Variants in MEIOSIN observed in about 807,000 individuals in gnomAD.
The protein encoded by MEIOSIN is meiosis initiator protein.
In MEIOSIN, 18 loss-of-function variants were observed where a neutral mutation model predicts 23.4. That is an observed-to-expected ratio of 0.77 (90% confidence interval 0.53 to 1.14). The LOEUF is 1.14. MEIOSIN is among the 50% of genes most tolerant of loss of function. The pLI, the probability that MEIOSIN is intolerant of heterozygous loss-of-function variation, is 0.00. For missense variants in MEIOSIN, 428 were observed against 242.9 expected (o/e 1.76, Z -5.07); for synonymous variants, 187 against 100.6 (o/e 1.86, Z -5.14).
intron 3 of MEIOSIN, among the ~76,000 whole-genome samples, chr19:45,744,179 C>A (rs1968552385): frequency 6.6e-6 from 1 of 150,882 alleles, no homozygotes; most frequent in Non-Finnish European, 1.5e-5. Context: ...GGCATCATGT[C>A]CAGCTAATTT....
intron 11 of MEIOSIN, 91 bp from the exon 12 acceptor site, chr19:45,761,586 AAT>A: frequency 1.6e-6 from 1 of 618,928 alleles, no homozygotes; most frequent in Non-Finnish European, 2.9e-6. Flanking sequence ...AGCTGCTGCT[AAT>A]GCTCATGTTA....
In MEIOSIN at chr19:45,739,669, A is replaced by G. The variant is rs1028268941; in HGVS notation, c.115A>G (p.Asn39Asp). 105 of 703,310 alleles carry G rather than the reference A, an allele frequency of 1.5e-4. No homozygotes were observed. Among genetic ancestry groups the G allele is most frequent in the Non-Finnish European group, 2.6e-4 (99 of 385,106 alleles). The allele number at this position is 703,310 out of a possible 1,614,324, so 43.6% of individuals were successfully genotyped here. The change falls in exon 3 of 15, where the codon AAC becomes GAC. Residue 39 changes from asparagine to aspartate, a missense_variant. Transcript: ENST00000457052. The stretch of plus-strand genomic sequence containing the variant: ...CCTAGTGGAAGGGGAAGATAAGGTC[A>G]ACCCCTCCGAACCACATGGACTGAG... ...CSLVEGEDKVNPSEPHGLRME... is the reference protein window; with the variant it reads ...CSLVEGEDKVDPSEPHGLRME...
At chr19:45,745,375 A>G in intron 4 of MEIOSIN, 54 bp downstream of exon 4, 2 of 680,724 alleles carry the variant, frequency 2.9e-6, no homozygotes, top group Non-Finnish European at 5.3e-6. Context: ...TTTAAATAGC[A>G]GCAAATGGGT....
At chr19:45,734,083 C>A (rs1300140726) in intron 1 of MEIOSIN, among the ~76,000 whole-genome samples, 1 of 152,040 alleles carries the variant, frequency 6.6e-6, no homozygotes, top group Non-Finnish European at 1.5e-5. Flanking sequence ...TGATTTGGGG[C>A]AACTGAAGCC....
chr19:45,742,885 TGA>T (rs1382864459), intron 3 of MEIOSIN, among the ~76,000 whole-genome samples: 1 of 152,036 alleles, frequency 6.6e-6, no homozygotes, highest in Admixed American at 6.6e-5. Context: ...AATTGGCAGT[TGA>T]GAGAAACAGA....
chr19:45,738,717 C>T (rs908214908), intron 2 of MEIOSIN, among the ~76,000 whole-genome samples: 1 of 152,198 alleles, frequency 6.6e-6, no homozygotes, highest in Admixed American at 6.6e-5. Context: ...GCTTTCACAC[C>T]ATTGTAAAGT....
intron 3 of MEIOSIN, among the ~76,000 whole-genome samples, chr19:45,743,523 A>AT (rs1354933121): frequency 2.6e-5 from 4 of 151,798 alleles, no homozygotes; most frequent in Admixed American, 1.3e-4. Context: ...CTCATCAGTG[A>AT]TTTTTTTTCT....
At chr19:45,759,329 C>T (rs540933198) in intron 10 of MEIOSIN, 85 bp from the exon 11 acceptor site, 19 of 685,336 alleles carry the variant, frequency 2.8e-5, no homozygotes, top group South Asian at 2.3e-4. Context: ...ACGGGGACTC[C>T]GGCTAGCAGG....
chr19:45,757,086 C>A, intron 8 of MEIOSIN, 91 bp from the exon 9 acceptor site: 1 of 650,458 alleles, frequency 1.5e-6, no homozygotes, highest in South Asian at 1.7e-5. Context: ...CCAGCACTCC[C>A]CCAGGGGCCA....
chr19:45,758,488 G>A (rs1600390218), intron 9 of MEIOSIN, among the ~76,000 whole-genome samples: 1 of 151,916 alleles, frequency 6.6e-6, no homozygotes, highest in African/African-American at 2.4e-5. Context: ...GGAGTGCAGT[G>A]GCACGATCTC....
At chr19:45,741,132 G>A (rs755708092) in intron 3 of MEIOSIN, among the ~76,000 whole-genome samples, 11 of 152,004 alleles carry the variant, frequency 7.2e-5, no homozygotes, top group East Asian at 1.9e-4. Flanking sequence ...GGCAGATCAC[G>A]AGGTCAGGAG....
Position 45,754,720 on chromosome 19 carries a change from C to T in MEIOSIN, c.798C>T (p.Ile266=). 1.4e-6 allele frequency: 1 copy of T among 703,038 alleles called. No individual in the cohort carries two copies. Among genetic ancestry groups the T allele is most frequent in the Non-Finnish European group, 2.6e-6 (1 of 385,018 alleles). 43.5% of individuals were successfully genotyped at this position (703,038 alleles called of 1,614,324 possible). The change falls in exon 7 of 15, where the codon ATC becomes ATT. Residue 266 remains isoleucine, a synonymous_variant. Coordinates refer to ENST00000457052, the MANE Select transcript of MEIOSIN (RefSeq NM_001310124.2). Reference sequence around the variant, plus strand: ...CCGAGGACACCATCCACTGTGACATCTCAAGTGGGTCTCTTTCCTCACTCT... The same window carrying T: ...CCGAGGACACCATCCACTGTGACATTTCAAGTGGGTCTCTTTCCTCACTCT... ...DLAEDTIHCD[I]SSCWCQGSVQ... is the part of the protein sequence containing the mutation.
At chr19:45,740,818 G>C (rs920601141) in intron 3 of MEIOSIN, among the ~76,000 whole-genome samples, 1 of 150,408 alleles carries the variant, frequency 6.6e-6, no homozygotes, top group African/African-American at 2.4e-5. Context: ...AAGTAACTAG[G>C]GTATGTTCAG....
chr19:45,750,691 A>C lies in MEIOSIN; in HGVS notation c.323A>C (p.His108Pro), dbSNP rs1968687097. 5.0e-6 allele frequency: 3 copies of C among 598,526 alleles called. No homozygotes were observed. Among genetic ancestry groups the C allele is most frequent in the Non-Finnish European group, 8.9e-6 (3 of 338,082 alleles). 37.1% of individuals were successfully genotyped at this position (598,526 alleles called of 1,614,324 possible). The change falls in exon 5 of 15, where the codon CAT (histidine) becomes CCT (proline). Residue 108 changes from histidine (H) to proline (P), a missense_variant. His to Pro is a moderately conservative substitution (Grantham distance 77). Transcript: ENST00000457052. ...KKLTKKEILV[H>P]VLQYIQYLQR... The stretch of plus-strand genomic sequence containing the variant: ...TTGAGGCAGAAGGAGATTCTGGTGC[A>C]TGTCCTGCAGTACATTCAGTACCTC...
At chr19:45,734,508 T>C (rs1968377438) in intron 1 of MEIOSIN, among the ~76,000 whole-genome samples, 2 of 150,406 alleles carry the variant, frequency 1.3e-5, no homozygotes, top group East Asian at 3.9e-4. Context: ...GAGGGCTCCT[T>C]TTTTTTTGTT....
intron 5 of MEIOSIN, among the ~76,000 whole-genome samples, chr19:45,752,919 C>CTTTTT (rs11387482): frequency 1.5e-4 from 18 of 119,148 alleles, no homozygotes; most frequent in African/African-American, 2.3e-4. Flanking sequence ...GTTTCTTCTT[C>CTTTTT]TTTTTTTTTT....
intron 3 of MEIOSIN, among the ~76,000 whole-genome samples, chr19:45,742,927 G>C (rs557700532): frequency 6.6e-6 from 1 of 152,200 alleles, no homozygotes; most frequent in Non-Finnish European, 1.5e-5. Context: ...GAGCTGACCT[G>C]TTCCCTGAAA....
Position 45,758,089 on chromosome 19 carries a change from C to T in MEIOSIN, c.1013-789C>T, listed in dbSNP as rs1600389879. 6.6e-5 allele frequency among the ~76,000 whole-genome samples: 10 copies of T among 151,862 alleles called. 1 individual carries two copies. In the South Asian group the frequency reaches 2.1e-3, roughly 32 times the overall value. ...CTCAGTTCACTGCAACTTCTGCCTCCCAGGATCAGGTGATTCTGTGTCAGC... is the reference window on the plus strand; with the variant it reads ...CTCAGTTCACTGCAACTTCTGCCTCTCAGGATCAGGTGATTCTGTGTCAGC... On this transcript the variant is annotated intron_variant, in intron 9 of 14. Coordinates refer to ENST00000457052, the MANE Select transcript of MEIOSIN (RefSeq NM_001310124.2).
intron 13 of MEIOSIN, 100 bp from the exon 14 acceptor site, chr19:45,763,238 T>A: frequency 2.5e-6 from 1 of 397,324 alleles, no homozygotes; most frequent in Non-Finnish European, 4.4e-6. Context: ...CAGAGGGTGG[T>A]CTTGGAGGCC....
Sources: allele counts gnomAD v4.1 joint callset (sites outside exome capture counted in the v4.1 genomes callset), GRCh38; gene constraint gnomAD v4.1.1; transcripts MANE v1.5; gene names NCBI Gene and HGNC (gene_info 2026-07-23, HGNC 2026-07-21).